Variants in CDH23 observed in about 807,000 individuals in gnomAD.
CDH23 encodes cadherin-23.
A neutral mutation model predicts 317.1 loss-of-function variants in CDH23; 189 were observed. The observed-to-expected ratio is 0.60, with a 90% CI of 0.53 to 0.67. CDH23 has a LOEUF of 0.67. CDH23 is among the 30% of genes least tolerant of loss of function. CDH23 has a pLI of 0.00. For missense variants in CDH23, 4,401 were observed against 4,592.4 expected (o/e 0.96, Z 1.20); for synonymous variants, 1,839 against 1,876.8 (o/e 0.98, Z 0.52).
Position 71,798,386 on chromosome 10 carries a change from G to A in CDH23, c.6862G>A (p.Asp2288Asn), listed in dbSNP as rs1841461613. 6.2e-7 allele frequency: 1 copy of A among 1,613,828 alleles called. No homozygotes were observed. Among genetic ancestry groups the A allele is most frequent in the Non-Finnish European group, 8.5e-7 (1 of 1,179,854 alleles). Residue 2288 changes from aspartate (D) to asparagine (N), a missense_variant, in exon 50 of 70, where the codon GAC becomes AAC. Asp to Asn is a conservative substitution (Grantham distance 23). This residue lies in a region of CDH23 where 3,068 missense variants were observed against 3,203.3 expected (regional missense o/e 0.96). Transcript: ENST00000224721. ...GACTGTCAACGTCCTGGACGTCAAT[G>A]ACAATACGCCCCAGTTCAAGCCCTT... ...KLTVNVLDVN[D>N]NTPQFKPFGI...
At chr10:71,642,473 A>C (rs1345297729) in intron 11 of CDH23, among the ~76,000 whole-genome samples, 1 of 127,980 alleles carries the variant, frequency 7.8e-6, no homozygotes, top group Non-Finnish European at 1.6e-5. Context: ...ATCTCGTCTC[A>C]CTCCAACCTC....
In CDH23 at chr10:71,513,288, C is replaced by A. The variant is rs147409967; in HGVS notation, c.429+2076C>A. 5.3e-4 allele frequency among the ~76,000 whole-genome samples: 80 copies of A among 152,242 alleles called. No homozygotes were observed. In the East Asian group the frequency reaches 0.013, roughly 25 times the overall value. ...GCCTGGCTACTCCTGATCTGAGGTA[C>A]CTTGACATTGACCAGCCCTTGCCTG... On this transcript the variant is annotated intron_variant, in intron 6 of 69. Coordinates refer to ENST00000224721, the MANE Select transcript of CDH23 (RefSeq NM_022124.6).
At chr10:71,553,355 G>A (rs1238308069) in intron 6 of CDH23, among the ~76,000 whole-genome samples, 1 of 151,996 alleles carries the variant, frequency 6.6e-6, no homozygotes, top group Non-Finnish European at 1.5e-5. Context: ...AGCCCCGTTC[G>A]AACCTTCCCC....
intron 9 of CDH23, among the ~76,000 whole-genome samples, chr10:71,598,355 C>T (rs970532905): frequency 6.6e-6 from 1 of 152,212 alleles, no homozygotes; most frequent in African/African-American, 2.4e-5. Flanking sequence ...GAGGTTACTT[C>T]CTCTTTTCTA....
rs79979150 is a variant in CDH23 at position 71,498,719 on chromosome 10, T to C, written c.146-11363T>C. ...AGTAACTTGACCTCTCTGTGATGCA[T>C]TGGGTTGTAGGGGAATAGAGCACAT... On this transcript the variant is annotated intron_variant, in intron 3 of 69. Transcript: ENST00000224721. 5.2e-4 allele frequency among the ~76,000 whole-genome samples: 79 copies of C among 152,254 alleles called. 1 individual carries two copies. In the East Asian group the frequency reaches 0.014, roughly 27 times the overall value.
chr10:71,539,711 T>C (rs1240224564), intron 6 of CDH23, among the ~76,000 whole-genome samples: 1 of 151,774 alleles, frequency 6.6e-6, no homozygotes, highest in Non-Finnish European at 1.5e-5. Context: ...CCCTTCTCTC[T>C]CTTTCCTCTC....
intron 3 of CDH23, among the ~76,000 whole-genome samples, chr10:71,478,694 T>A (rs557883465): frequency 3.7e-4 from 57 of 152,300 alleles, no homozygotes; most frequent in African/African-American, 1.2e-3. Flanking sequence ...CTCCCATCTA[T>A]CTCTGGTCTC....
intron 3 of CDH23, chr10:71,508,010 C>G (rs1213454833): frequency 6.6e-6 from 1 of 152,250 alleles, no homozygotes; most frequent in Admixed American, 6.5e-5. Context: ...GATTTTACTC[C>G]TCCTTCTCAC....
intron 1 of CDH23, among the ~76,000 whole-genome samples, chr10:71,426,783 G>A (rs979148357): frequency 6.6e-6 from 1 of 152,080 alleles, no homozygotes; most frequent in African/African-American, 2.4e-5. Flanking sequence ...CAATTCAATG[G>A]TTATTAGGGC....
chr10:71,497,109 C>A, intron 3 of CDH23, among the ~76,000 whole-genome samples: 1 of 152,138 alleles, frequency 6.6e-6, no homozygotes, highest in Non-Finnish European at 1.5e-5. Flanking sequence ...CAGAAGGGGA[C>A]ATCAGGATCA....
intron 22 of CDH23, among the ~76,000 whole-genome samples, chr10:71,701,294 A>AG (rs1865574453): frequency 6.6e-6 from 1 of 152,162 alleles, no homozygotes. Flanking sequence ...CGGTGCACGC[A>AG]GGGGGCCTCG....
At chr10:71,454,103 G>T (rs1850577737) in intron 3 of CDH23, among the ~76,000 whole-genome samples, 1 of 152,200 alleles carries the variant, frequency 6.6e-6, no homozygotes, top group Admixed American at 6.5e-5. Flanking sequence ...TGGACTTGTA[G>T]TTTGAGAGCC....
intron 3 of CDH23, among the ~76,000 whole-genome samples, chr10:71,446,660 T>C (rs971780263): frequency 6.6e-6 from 1 of 152,240 alleles, no homozygotes; most frequent in Non-Finnish European, 1.5e-5. Flanking sequence ...CCTCTTGCAC[T>C]TGAAGGCCTT....
chr10:71,760,251 GTATA>G, intron 38 of CDH23, among the ~76,000 whole-genome samples: 1 of 85,410 alleles, frequency 1.2e-5, no homozygotes, highest in East Asian at 2.8e-4. Flanking sequence ...ATATATGTAT[GTATA>G]TATATGTATA....
chr10:71,598,436 G>A (rs576423720), intron 9 of CDH23, among the ~76,000 whole-genome samples: 38 of 152,320 alleles, frequency 2.5e-4, no homozygotes, highest in African/African-American at 3.8e-4. Flanking sequence ...CCTTTGCTCC[G>A]GGCCCTCTCC....
rs370034021 is a variant in CDH23 at position 71,741,908 on chromosome 10, C to T, written c.4832C>T (p.Thr1611Ile). Residue 1611 changes from threonine (T) to isoleucine (I), a missense_variant, in exon 38 of 70, where the codon ACC becomes ATC. Thr to Ile is a moderately conservative substitution (Grantham distance 89). This residue lies in a region of CDH23 where 3,068 missense variants were observed against 3,203.3 expected (regional missense o/e 0.96). Transcript: ENST00000224721. Reference protein sequence around the residue: ...HLVATVEDEGTPTLSATTHVY... With the variant: ...HLVATVEDEGIPTLSATTHVY... ...GTGGCCACTGTGGAGGACGAGGGCA[C>T]CCCAACCCTGTCGGTGAGCGATGGG... 2 of 1,601,234 alleles carry T rather than the reference C, an allele frequency of 1.2e-6. No individual in the cohort carries two copies. The highest frequency in any genetic ancestry group is 1.3e-5 in the African/African-American group (1 of 74,768).
intron 35 of CDH23, among the ~76,000 whole-genome samples, chr10:71,739,377 C>T (rs1839672949): frequency 6.6e-6 from 1 of 152,158 alleles, no homozygotes; most frequent in African/African-American, 2.4e-5. Context: ...GACGTCAGTG[C>T]CATGGGACTC....
intron 38 of CDH23, chr10:71,753,692 T>C (rs1840063112): frequency 2.2e-6 from 1 of 449,032 alleles, no homozygotes; most frequent in Non-Finnish European, 4.5e-6. Context: ...CCAACTTCCC[T>C]CTTTCATGCA....
rs948618897 is a variant in CDH23, at chr10:71,691,386, G to A, written c.2176+802G>A. 3.4e-5 allele frequency among the ~76,000 whole-genome samples: 5 copies of A among 145,226 alleles called. No individual in the cohort carries two copies. The East Asian group carries it at 1.0e-3, about 29-fold the overall frequency. On this transcript the variant is annotated intron_variant, in intron 20 of 69. Coordinates refer to ENST00000224721, the MANE Select transcript of CDH23 (RefSeq NM_022124.6). ...TGAGCCAGGTGCTGGGGTACAGGAA[G>A]GAATAAGACATGGCTCTGACCTCAT...
Sources: allele counts gnomAD v4.1 joint callset (sites outside exome capture counted in the v4.1 genomes callset), GRCh38; gene constraint gnomAD v4.1.1; regional missense constraint gnomAD v4.1.1; transcripts MANE v1.5; gene names NCBI Gene and HGNC (gene_info 2026-07-23, HGNC 2026-07-21).